Variants in ADRA1A observed in about 807,000 individuals in gnomAD.
ADRA1A encodes the protein alpha-1A adrenergic receptor.
ADRA1A carries 31 observed loss-of-function variants against 29.6 expected under a neutral mutation model. The observed-to-expected ratio is 1.05, with a 90% CI of 0.79 to 1.41. ADRA1A has a LOEUF of 1.41. ADRA1A is among the 40% of genes most tolerant of loss of function. ADRA1A has a pLI of 0.00. For synonymous variants in ADRA1A, 311 were observed against 254.3 expected, an observed-to-expected ratio of 1.22 and a Z score of -2.12; for missense variants, 619 against 601.1, an observed-to-expected ratio of 1.03 and a Z score of -0.31.
chr8:26,765,419 C>T (rs1805721200), downstream of ADRA1A, among the ~76,000 whole-genome samples: 1 of 152,210 alleles, frequency 6.6e-6, no homozygotes, highest in African/African-American at 2.4e-5. Flanking sequence ...TTCTGGAGGG[C>T]CAGGAGGCCA....
intron 2 of ADRA1A, among the ~76,000 whole-genome samples, chr8:26,793,012 T>C (rs1807943258): frequency 6.6e-6 from 1 of 151,802 alleles, no homozygotes. Context: ...AATAATATGG[T>C]TTGGAAATAT....
At chr8:26,807,116 A>G (rs1453337864) in intron 2 of ADRA1A, among the ~76,000 whole-genome samples, 1 of 152,208 alleles carries the variant, frequency 6.6e-6, no homozygotes, top group Non-Finnish European at 1.5e-5. Flanking sequence ...TTTTCACAGC[A>G]AGTAACTATT....
At chr8:26,756,212 C>A (rs1014356423), downstream of ADRA1A, among the ~76,000 whole-genome samples, 24 of 152,166 alleles carry the variant, frequency 1.6e-4, no homozygotes, top group Admixed American at 1.3e-3. Context: ...TAGGACACAG[C>A]CTATGCTTAA....
chr8:26,833,289 A>G (rs1811119263), intron 2 of ADRA1A, among the ~76,000 whole-genome samples: 1 of 152,088 alleles, frequency 6.6e-6, no homozygotes, highest in Middle Eastern at 3.2e-3. Flanking sequence ...GAAGCCATGC[A>G]ACCCAGCCCC....
chr8:26,760,937 T>G (rs527730381), downstream of ADRA1A, among the ~76,000 whole-genome samples: 1 of 152,298 alleles, frequency 6.6e-6, no homozygotes, highest in African/African-American at 2.4e-5. Context: ...TCCAGGTCCC[T>G]GGGGACTGGC....
chr8:26,805,172 C>T lies in ADRA1A; in HGVS notation c.884-34506G>A, dbSNP rs148216302. ...TCAGTTATATTGTGTCCCACTGTGA[C>T]GACCAAGAATGGGGCTCTCACCTCT... is the stretch of plus-strand genomic sequence containing the variant. On this transcript the variant is annotated intron_variant, in intron 2 of 2. Transcript: ENST00000380573. The surrounding 1 kb of genome is among the most constrained non-coding windows in gnomAD (Gnocchi z 4.8). 3.1e-4 allele frequency among the ~76,000 whole-genome samples: 47 copies of T among 152,318 alleles called. No homozygotes were observed. Among genetic ancestry groups the T allele is most frequent in the South Asian group, 1.4e-3 (7 of 4,830 alleles).
chr8:26,825,518 T>G lies in ADRA1A; in HGVS notation c.883+38569A>C, dbSNP rs1318551711. ...GCTTCTCATCCCCTAAAGGCCATAT[T>G]ACCCCAACTTCTAGTTGTCAGCTAT... is the stretch of plus-strand genomic sequence containing the variant. On this transcript the variant is annotated intron_variant, in intron 2 of 2. Coordinates refer to ENST00000380573, the MANE Select transcript of ADRA1A (RefSeq NM_000680.4). This position sits in a 1 kb window ranked among gnomAD's most constrained non-coding sequence, Gnocchi z 5.7. Among the ~76,000 whole-genome samples, 4 of 152,178 alleles carry G rather than the reference T, an allele frequency of 2.6e-5. No individual in the cohort carries two copies. Among genetic ancestry groups the G allele is most frequent in the Non-Finnish European group, 1.5e-5 (1 of 68,038 alleles).
intron 2 of ADRA1A, among the ~76,000 whole-genome samples, chr8:26,781,679 G>C (rs2130358328): frequency 6.6e-6 from 1 of 152,278 alleles, no homozygotes; most frequent in African/African-American, 2.4e-5. Context: ...CATTTTATAG[G>C]GTCCTGGAAG....
At chr8:26,814,673 C>T (rs749910811) in intron 2 of ADRA1A, among the ~76,000 whole-genome samples, 12 of 152,042 alleles carry the variant, frequency 7.9e-5, no homozygotes, top group Non-Finnish European at 5.9e-5. Context: ...TCTTTCTCTC[C>T]ATCTATTTAC....
chr8:26,842,736 T>C (rs1370557775), intron 2 of ADRA1A, among the ~76,000 whole-genome samples: 2 of 152,018 alleles, frequency 1.3e-5, no homozygotes, highest in African/African-American at 4.8e-5. Flanking sequence ...TTTGTCTGGT[T>C]TTCAAAAAGA....
chr8:26,806,539 A>G lies in ADRA1A; in HGVS notation c.884-35873T>C, dbSNP rs1808995811. ...AGACTCCTCTCCAGATGGTGTGGGA[A>G]TCCAGATAGCAACTCATCACTAAGG... On this transcript the variant is annotated intron_variant, in intron 2 of 2. Transcript: ENST00000380573. The surrounding 1 kb of genome is among the most constrained non-coding windows in gnomAD (Gnocchi z 4.6). Among the ~76,000 whole-genome samples the G allele has an allele frequency of 6.6e-6, 1 of 152,178 alleles. No homozygotes were observed. Among genetic ancestry groups the G allele is most frequent in the African/African-American group, 2.4e-5 (1 of 41,448 alleles).
intron 2 of ADRA1A, among the ~76,000 whole-genome samples, chr8:26,812,883 G>T (rs1809506013): frequency 6.6e-6 from 1 of 151,892 alleles, no homozygotes; most frequent in South Asian, 2.1e-4. Context: ...AGCCAGGATG[G>T]TCTCGATCTC....
chr8:26,772,891 T>C (rs371936289), intron 2 of ADRA1A, among the ~76,000 whole-genome samples: 1,795 of 140,430 alleles, frequency 0.013, 39 homozygotes, highest in African/African-American at 0.046. Context: ...ACAATGGGTG[T>C]TTATTTGGAA....
At position 26,864,115 on chromosome 8, in the gene ADRA1A, C is replaced by T. The variant is rs532108221; in HGVS notation, c.855G>A (p.Trp285Ter). The T allele has an allele frequency of 6.2e-7, 1 of 1,613,810 alleles. No homozygotes were observed. Among genetic ancestry groups the T allele is most frequent in the South Asian group, 1.1e-5 (1 of 91,032 alleles). ...GIVVGCFVLC[W>*]LPFFLVMPIG... The stretch of plus-strand genomic sequence containing the variant: ...TGGGCATGACTAAGAAAAAAGGCAG[C>T]CAGCAGAGGACGAAGCAGCCGACCA... Residue 285 changes from tryptophan to a stop codon, truncating the protein, a stop_gained, in exon 2 of 3, where the codon TGG (tryptophan) becomes TGA (stop). Transcript: ENST00000380573. LOFTEE classifies it high-confidence loss of function. This position sits in a 1 kb window ranked among gnomAD's most constrained non-coding sequence, Gnocchi z 8.1.
At chr8:26,749,106 C>T (rs1804812843) in intron 2 of ADRA1A, among the ~76,000 whole-genome samples, 1 of 152,226 alleles carries the variant, frequency 6.6e-6, no homozygotes, top group South Asian at 2.1e-4. Context: ...AGTGACAACA[C>T]TATTGAAACA....
chr8:26,802,736 T>G (rs563859770), intron 2 of ADRA1A, among the ~76,000 whole-genome samples: 42 of 152,046 alleles, frequency 2.8e-4, no homozygotes, highest in Non-Finnish European at 4.3e-4. Flanking sequence ...ATACCTAAAA[T>G]AAAGGAAATC....
At chr8:26,845,102 A>C (rs1024016101) in intron 2 of ADRA1A, among the ~76,000 whole-genome samples, 3 of 152,206 alleles carry the variant, frequency 2.0e-5, no homozygotes, top group Non-Finnish European at 4.4e-5. Context: ...TGGATGTCAT[A>C]AAAATTAAAG....
Position 26,769,780 on chromosome 8 carries a change from CA to C in ADRA1A, c.*368del, listed in dbSNP as rs1335849700. 1 of 1,003,152 alleles carries C rather than the reference CA, an allele frequency of 1.0e-6. No homozygotes were observed. Among genetic ancestry groups the C allele is most frequent in the Non-Finnish European group, 1.2e-6 (1 of 842,376 alleles). The allele number at this position is 1,003,152 out of a possible 1,614,324, so 62.1% of individuals were successfully genotyped here. A position where few individuals can be genotyped will look rare whatever the true frequency, so the allele number is the denominator to read the frequency against. On this transcript the variant is annotated 3_prime_UTR_variant, in exon 3 of 3. Transcript: ENST00000380573. ...CCTCACTTCCATCAAGAAATAGCTC[CA>C]AACTTAGAGTGTGTGCTCAAAATAT...
chr8:26,832,040 C>A (rs546470065), intron 2 of ADRA1A, among the ~76,000 whole-genome samples: 45 of 152,374 alleles, frequency 3.0e-4, no homozygotes, highest in African/African-American at 9.9e-4. Context: ...GGACGCTCCT[C>A]TGGCCCACCA....
Sources: allele counts gnomAD v4.1 joint callset (sites outside exome capture counted in the v4.1 genomes callset), GRCh38; gene constraint gnomAD v4.1.1; non-coding constraint Gnocchi (gnomAD v3.1); transcripts MANE v1.5; gene names NCBI Gene and HGNC (gene_info 2026-07-23, HGNC 2026-07-21).